Variants in EPHA5 observed in about 807,000 individuals in gnomAD.
The protein encoded by EPHA5 is ephrin type-A receptor 5.
Under a neutral mutation model 105.0 loss-of-function variants are expected in EPHA5, and 60 were observed. The ratio of observed to expected loss-of-function variants is 0.57; its 90% CI spans 0.46 to 0.71. The LOEUF (loss-of-function observed/expected upper bound fraction) is 0.71, where lower values mean the gene tolerates loss of function less well. Among genes scored for constraint, EPHA5 ranks in the 30% least tolerant of loss-of-function variants. EPHA5 has a pLI of 0.00. For missense variants in EPHA5, 1,218 were observed against 1,274.7 expected, an observed-to-expected ratio of 0.96 and a Z score of 0.68; for synonymous variants, 513 against 449.1, an observed-to-expected ratio of 1.14 and a Z score of -1.80.
chr4:65,538,906 T>C (rs760916896), intron 3 of EPHA5, among the ~76,000 whole-genome samples: 26 of 151,670 alleles, frequency 1.7e-4, no homozygotes, highest in Non-Finnish European at 3.4e-4. Flanking sequence ...CCAACACTCA[T>C]GTTGGTGATT....
At chr4:65,621,430 T>A (rs1219865331) in intron 2 of EPHA5, among the ~76,000 whole-genome samples, 1 of 152,164 alleles carries the variant, frequency 6.6e-6, no homozygotes, top group African/African-American at 2.4e-5. Flanking sequence ...TGGTAAATAG[T>A]CATTAGCACA....
intron 2 of EPHA5, among the ~76,000 whole-genome samples, chr4:65,604,846 TAATA>T (rs1205469162): frequency 1.3e-5 from 2 of 152,182 alleles, no homozygotes; most frequent in African/African-American, 2.4e-5. Context: ...TACAGTAACT[TAATA>T]AAAGGCACAG....
intron 5 of EPHA5, among the ~76,000 whole-genome samples, chr4:65,475,057 A>T (rs988508591): frequency 1.3e-5 from 2 of 152,206 alleles, no homozygotes; most frequent in South Asian, 2.1e-4. Context: ...AGACTAAAAA[A>T]GATAGCGTAA....
intron 3 of EPHA5, among the ~76,000 whole-genome samples, chr4:65,564,790 T>C (rs896406445): frequency 6.6e-6 from 1 of 151,782 alleles, no homozygotes; most frequent in Admixed American, 6.6e-5. Flanking sequence ...GATACATATA[T>C]ACTTTTATAG....
At chr4:65,532,825 GT>G (rs539004666) in intron 3 of EPHA5, among the ~76,000 whole-genome samples, 101 of 152,016 alleles carry the variant, frequency 6.6e-4, no homozygotes, top group African/African-American at 2.4e-3. Flanking sequence ...TATAGGCATA[GT>G]TTTTTAATGG....
At chr4:65,568,706 T>A (rs558830861) in intron 3 of EPHA5, among the ~76,000 whole-genome samples, 1 of 150,944 alleles carries the variant, frequency 6.6e-6, no homozygotes, top group African/African-American at 2.4e-5. Flanking sequence ...TCAATAGAAA[T>A]AATATCTTAA....
At chr4:65,586,250 T>A (rs1229229303) in intron 3 of EPHA5, among the ~76,000 whole-genome samples, 1 of 151,730 alleles carries the variant, frequency 6.6e-6, no homozygotes, top group Non-Finnish European at 1.5e-5. Context: ...AATCGTCATA[T>A]ATTAGCAATT....
At chr4:65,351,648 GA>G in intron 12 of EPHA5, 50 bp from the exon 13 acceptor site, 1 of 1,523,244 alleles carries the variant, frequency 6.6e-7, no homozygotes, top group Non-Finnish European at 9.1e-7. Flanking sequence ...ATCACTGGGG[GA>G]AAATATGAGA....
chr4:65,438,145 C>T (rs1453007589), intron 5 of EPHA5, among the ~76,000 whole-genome samples: 3 of 151,832 alleles, frequency 2.0e-5, no homozygotes, highest in African/African-American at 4.8e-5. Context: ...GAACAAGGTC[C>T]ATACTTTCTT....
intron 5 of EPHA5, among the ~76,000 whole-genome samples, chr4:65,452,023 G>T (rs1387028889): frequency 6.6e-6 from 1 of 152,166 alleles, no homozygotes; most frequent in Non-Finnish European, 1.5e-5. Context: ...TTTTGTGGGT[G>T]ATGATGAAGT....
rs2148887818 is a variant in EPHA5, at chr4:65,365,034, T to A, written c.2156A>T (p.Glu719Val). The A allele has an allele frequency of 6.2e-7, 1 of 1,610,974 alleles. No homozygotes were observed. The highest frequency in any genetic ancestry group is 1.7e-5 in the Admixed American group (1 of 59,822). The part of the protein sequence containing the change: ...QFDHPNIIHL[E>V]GVVTKSKPVM... Reference sequence around the variant, plus strand: ...ATACTTACTTTTGGTCACCACACCTTCTAAATGGATGATGTTAGGATGATC... The same window carrying A: ...ATACTTACTTTTGGTCACCACACCTACTAAATGGATGATGTTAGGATGATC... Residue 719 changes from glutamate to valine, a missense_variant, in exon 11 of 17, where the codon GAA (glutamate) becomes GTA (valine). Transcript: ENST00000613740.
intron 8 of EPHA5, among the ~76,000 whole-genome samples, chr4:65,387,820 CT>C (rs200503402): frequency 4.2e-4 from 63 of 150,858 alleles, no homozygotes; most frequent in Middle Eastern, 3.4e-3. Context: ...ATGTCTCATT[CT>C]TTTTTTTTAT....
At chr4:65,359,264 C>T (rs144728119) in intron 11 of EPHA5, among the ~76,000 whole-genome samples, 22 of 151,660 alleles carry the variant, frequency 1.5e-4, no homozygotes, top group African/African-American at 5.3e-4. Flanking sequence ...AATTAATGAG[C>T]TTGGTTCTGT....
chr4:65,558,274 A>G (rs902938604), intron 3 of EPHA5, among the ~76,000 whole-genome samples: 1 of 152,134 alleles, frequency 6.6e-6, no homozygotes, highest in Non-Finnish European at 1.5e-5. Flanking sequence ...ATTATTGGTA[A>G]TGGTAACAGA....
Position 65,351,373 on chromosome 4 carries a change from C to T in EPHA5, c.2445+16G>A. ...CTCTGGTCTAGTGTTTAGAAATGCA[C>T]TCTGTTAGATCTTACCCTTGTGGTG... On this transcript the variant is annotated intron_variant, in intron 13 of 16. Coordinates refer to ENST00000613740, the MANE Select transcript of EPHA5 (RefSeq NM_001281766.3). The T allele has an allele frequency of 6.2e-7, 1 of 1,610,636 alleles. No individual in the cohort carries two copies. Among genetic ancestry groups the T allele is most frequent in the Non-Finnish European group, 8.5e-7 (1 of 1,177,538 alleles).
rs901667425 is a variant in EPHA5 at position 65,544,273 on chromosome 4, A to G, written c.911-48730T>C. Among the ~76,000 whole-genome samples the G allele has an allele frequency of 5.3e-5, 8 of 152,254 alleles. No individual in the cohort carries two copies. In the East Asian group the frequency reaches 1.4e-3, roughly 26 times the overall value. Reference sequence around the variant, plus strand: ...CTTCTGCACAGCAAAAGTAACTATCATCAGTGTGAACAGGCAACCTACAGA... The same window carrying G: ...CTTCTGCACAGCAAAAGTAACTATCGTCAGTGTGAACAGGCAACCTACAGA... On this transcript the variant is annotated intron_variant, in intron 3 of 16. Transcript: ENST00000613740.
chr4:65,437,366 A>G lies in EPHA5; in HGVS notation c.1403-16801T>C, dbSNP rs973077908. On this transcript the variant is annotated intron_variant, in intron 5 of 16. Coordinates refer to ENST00000613740, the MANE Select transcript of EPHA5 (RefSeq NM_001281766.3). ...CAAGTGCTGGGAAAACTTCCCAAAT[A>G]GGCCTTAATGGTGTCCATCATCCTA... Among the ~76,000 whole-genome samples the G allele has an allele frequency of 3.9e-5, 6 of 152,026 alleles. 1 individual carries two copies. In the South Asian group the frequency reaches 1.0e-3, roughly 26 times the overall value.
At chr4:65,616,428 TACAC>T (rs34942929) in intron 2 of EPHA5, among the ~76,000 whole-genome samples, 10 of 143,638 alleles carry the variant, frequency 7.0e-5, no homozygotes, top group East Asian at 2.0e-4. Flanking sequence ...ACTTAATGCA[TACAC>T]ACACACACAC....
chr4:65,546,959 C>G (rs950932299), intron 3 of EPHA5, among the ~76,000 whole-genome samples: 1 of 152,020 alleles, frequency 6.6e-6, no homozygotes, highest in African/African-American at 2.4e-5. Context: ...TCAACCTCTT[C>G]CCTAACAGAA....
Sources: gnomAD v4.1 joint callset for allele counts (sites outside exome capture counted in the v4.1 genomes callset) on GRCh38, gnomAD v4.1.1 for gene constraint, MANE v1.5 for transcripts, NCBI Gene and HGNC (gene_info 2026-07-23, HGNC 2026-07-21) for gene names.